The following RSRC1 variants were observed in gnomAD, a reference collection of about 807,000 sequenced individuals.
RSRC1 encodes the protein serine/Arginine-related protein 53.
In RSRC1, 39 loss-of-function variants were observed where a neutral mutation model predicts 49.1. That is an observed-to-expected ratio of 0.79 (90% CI 0.61 to 1.04). The LOEUF (loss-of-function observed/expected upper bound fraction) is 1.04. Among genes scored for constraint, RSRC1 ranks in the 50% least tolerant of loss-of-function variants. The probability of loss-of-function intolerance (pLI) is 0.00; values close to 1 mark genes in which losing one functional copy is unlikely to be tolerated. For missense variants in RSRC1, 388 were observed against 402.4 expected (o/e 0.96, Z 0.31); for synonymous variants, 143 against 130.8 (o/e 1.09, Z -0.63).
At chr3:158,317,455 C>G (rs2108158100) in intron 5 of RSRC1, among the ~76,000 whole-genome samples, 1 of 152,266 alleles carries the variant, frequency 6.6e-6, no homozygotes, top group Non-Finnish European at 1.5e-5. Context: ...ATCTCGAACT[C>G]CTGAGCTCAA....
chr3:158,287,752 G>A (rs1726659588), intron 4 of RSRC1, among the ~76,000 whole-genome samples: 1 of 152,236 alleles, frequency 6.6e-6, no homozygotes, highest in Admixed American at 6.5e-5. Flanking sequence ...GTATTTGTGT[G>A]TATTCATAAG....
intron 6 of RSRC1, among the ~76,000 whole-genome samples, chr3:158,445,084 AAGAC>A (rs1249132188): frequency 6.6e-6 from 1 of 152,232 alleles, no homozygotes; most frequent in Non-Finnish European, 1.5e-5. Context: ...ACCATTGTGA[AAGAC>A]AGTGTGGCGA....
intron 6 of RSRC1, among the ~76,000 whole-genome samples, chr3:158,426,307 T>C (rs1185360247): frequency 6.6e-6 from 1 of 151,624 alleles, no homozygotes; most frequent in African/African-American, 2.4e-5. Context: ...TCAATGTATA[T>C]AACTGACAAA....
intron 3 of RSRC1, among the ~76,000 whole-genome samples, chr3:158,131,126 T>C (rs1163790761): frequency 6.6e-6 from 1 of 151,566 alleles, no homozygotes; most frequent in Admixed American, 6.6e-5. Context: ...TATTTTTGTC[T>C]TTAATAATTT....
At chr3:158,481,065 TG>T (rs1738592260) in intron 7 of RSRC1, among the ~76,000 whole-genome samples, 1 of 152,044 alleles carries the variant, frequency 6.6e-6, no homozygotes, top group South Asian at 2.1e-4. Context: ...CACCTTGCTA[TG>T]TGAGGAAGGA....
intron 4 of RSRC1, among the ~76,000 whole-genome samples, chr3:158,279,576 C>G (rs531427306): frequency 5.9e-5 from 9 of 152,270 alleles, no homozygotes; most frequent in African/African-American, 2.2e-4. Context: ...TTAAATATTA[C>G]TAATAAAAAT....
intron 3 of RSRC1, among the ~76,000 whole-genome samples, chr3:158,146,032 G>C (rs1717087057): frequency 6.6e-6 from 1 of 152,200 alleles, no homozygotes; most frequent in Non-Finnish European, 1.5e-5. Context: ...ATTTTGGGCT[G>C]AGATGATGGG....
chr3:158,155,949 G>A (rs538959563), intron 3 of RSRC1, among the ~76,000 whole-genome samples: 10 of 152,218 alleles, frequency 6.6e-5, no homozygotes, highest in Admixed American at 3.3e-4. Context: ...TTTTAAAGTC[G>A]CCAGGTGGGT....
At chr3:158,413,320 C>T (rs1373743031) in intron 6 of RSRC1, among the ~76,000 whole-genome samples, 2 of 152,150 alleles carry the variant, frequency 1.3e-5, no homozygotes, top group Non-Finnish European at 2.9e-5. Flanking sequence ...CTTCCTTACA[C>T]CTTATACAAA....
At chr3:158,423,266 A>T (rs1302053349) in intron 6 of RSRC1, among the ~76,000 whole-genome samples, 2 of 152,092 alleles carry the variant, frequency 1.3e-5, no homozygotes, top group African/African-American at 4.8e-5. Flanking sequence ...AGGTGTAAGG[A>T]AGGGATCCAG....
At chr3:158,382,509 A>G (rs1732755288) in intron 6 of RSRC1, among the ~76,000 whole-genome samples, 1 of 152,178 alleles carries the variant, frequency 6.6e-6, no homozygotes, top group Non-Finnish European at 1.5e-5. Flanking sequence ...CAGCTTTATT[A>G]TAATCTTATG....
chr3:158,199,175 C>T (rs1222262014), intron 3 of RSRC1, among the ~76,000 whole-genome samples: 1 of 152,164 alleles, frequency 6.6e-6, no homozygotes, highest in Non-Finnish European at 1.5e-5. Context: ...CTGCTATCCG[C>T]GTAAGATGTG....
chr3:158,344,184 A>G (rs1730420309), intron 5 of RSRC1, among the ~76,000 whole-genome samples: 1 of 152,124 alleles, frequency 6.6e-6, no homozygotes, highest in African/African-American at 2.4e-5. Context: ...GCTTGAACCC[A>G]GGAGGCTGAG....
At chr3:158,277,562 A>G (rs1335698376) in intron 4 of RSRC1, among the ~76,000 whole-genome samples, 1 of 152,166 alleles carries the variant, frequency 6.6e-6, no homozygotes, top group Non-Finnish European at 1.5e-5. Flanking sequence ...TACTGCTGGA[A>G]GTGTAATTTG....
intron 6 of RSRC1, among the ~76,000 whole-genome samples, chr3:158,457,326 A>G (rs1737382585): frequency 6.6e-6 from 1 of 152,178 alleles, no homozygotes; most frequent in African/African-American, 2.4e-5. Context: ...CTGCATAAGG[A>G]TAAGAGTTGA....
chr3:158,518,501 A>T (rs12495932), intron 7 of RSRC1, among the ~76,000 whole-genome samples: 30,067 of 151,328 alleles, frequency 0.2, 3,630 homozygotes, highest in African/African-American at 0.34. Context: ...TTGATTTTTA[A>T]AAATATTTAA....
chr3:158,221,988 C>T (rs769852676), intron 4 of RSRC1, among the ~76,000 whole-genome samples: 2 of 151,378 alleles, frequency 1.3e-5, no homozygotes, highest in Non-Finnish European at 1.5e-5. Context: ...AAACTGATGA[C>T]AGTATTATTA....
At chr3:158,439,769 A>T (rs186708432) in intron 6 of RSRC1, among the ~76,000 whole-genome samples, 4 of 152,260 alleles carry the variant, frequency 2.6e-5, no homozygotes, top group South Asian at 4.1e-4. Flanking sequence ...CCTATGTAAC[A>T]AACCTGCACG....
At chr3:158,233,145 A>G (rs1189782342) in intron 4 of RSRC1, among the ~76,000 whole-genome samples, 1 of 152,166 alleles carries the variant, frequency 6.6e-6, no homozygotes, top group Non-Finnish European at 1.5e-5. Flanking sequence ...GGAAAGACAT[A>G]AATTCCTTTC....
Sources: allele counts gnomAD v4.1 joint callset (sites outside exome capture counted in the v4.1 genomes callset), GRCh38; gene constraint gnomAD v4.1.1; transcripts MANE v1.5; gene names NCBI Gene and HGNC (gene_info 2026-07-23, HGNC 2026-07-21).